Variants in SENP7 observed in about 807,000 individuals in gnomAD.
SENP7 encodes sentrin-specific protease 7.
SENP7 carries 64 observed loss-of-function variants against 141.2 expected under a neutral mutation model. The observed-to-expected ratio is 0.45, with a 90% CI of 0.37 to 0.56. The LOEUF (loss-of-function observed/expected upper bound fraction) is 0.56, where lower values mean the gene tolerates loss of function less well. Among genes scored for constraint, SENP7 ranks in the 20% least tolerant of loss-of-function variants. The pLI, the probability that SENP7 is intolerant of heterozygous loss-of-function variation, is 0.00. For synonymous variants in SENP7, 382 were observed against 426.4 expected (o/e 0.90, Z 1.28); for missense variants, 1,025 against 1,212.2 (o/e 0.85, Z 2.29).
intron 4 of SENP7, among the ~76,000 whole-genome samples, chr3:101,426,274 C>CA (rs1488589790): frequency 6.6e-6 from 1 of 151,916 alleles, no homozygotes; most frequent in Non-Finnish European, 1.5e-5. Flanking sequence ...TCTCCAAGGT[C>CA]AAAATCAAAG....
Position 101,324,596 on chromosome 3 carries a change from C to T in SENP7, c.*1347G>A, listed in dbSNP as rs2058855117. On this transcript the variant is annotated 3_prime_UTR_variant, in exon 24 of 24. Coordinates refer to ENST00000394095, the MANE Select transcript of SENP7 (RefSeq NM_020654.5). The stretch of plus-strand genomic sequence containing the variant: ...ATATTTAATAATATAAAGATAGTGC[C>T]AAAATCAACAAAAGCTAAGAATACT... 1.3e-5 allele frequency: 2 copies of T among 151,932 alleles called. No homozygotes were observed. The highest frequency in any genetic ancestry group is 1.9e-4 in the East Asian group (1 of 5,174). 9.4% of individuals were successfully genotyped at this position (151,932 alleles called of 1,614,324 possible). A position where few individuals can be genotyped will look rare whatever the true frequency, so the allele number is the denominator to read the frequency against.
chr3:101,491,458 A>C (rs1216467315), intron 3 of SENP7, among the ~76,000 whole-genome samples: 1 of 147,998 alleles, frequency 6.8e-6, no homozygotes, highest in Non-Finnish European at 1.5e-5. Context: ...AGATCTCGCT[A>C]TATTTCCTAG....
At chr3:101,462,812 G>C (rs2063591665) in intron 3 of SENP7, among the ~76,000 whole-genome samples, 1 of 151,874 alleles carries the variant, frequency 6.6e-6, no homozygotes, top group Non-Finnish European at 1.5e-5. Context: ...AGGTTGCAGT[G>C]AGCCGAGATC....
intron 1 of SENP7, among the ~76,000 whole-genome samples, chr3:101,505,315 A>T (rs1349103067): frequency 6.6e-6 from 1 of 152,194 alleles, no homozygotes; most frequent in Admixed American, 6.5e-5. Context: ...CCATATAACA[A>T]AGCTGTACTT....
At chr3:101,395,677 A>T (rs1230866742) in intron 6 of SENP7, among the ~76,000 whole-genome samples, 1 of 152,220 alleles carries the variant, frequency 6.6e-6, no homozygotes, top group Admixed American at 6.5e-5. Context: ...AAGGGAAGAA[A>T]GAACTAAAGC....
At chr3:101,419,178 C>T (rs922264938) in intron 4 of SENP7, among the ~76,000 whole-genome samples, 9 of 152,092 alleles carry the variant, frequency 5.9e-5, no homozygotes, top group Non-Finnish European at 1.5e-5. Flanking sequence ...GTCCAAAAAA[C>T]AGGACAAAAT....
Position 101,380,437 on chromosome 3 carries a change from C to G in SENP7, c.678-8311G>C, listed in dbSNP as rs927053713. On this transcript the variant is annotated intron_variant, in intron 6 of 23. Coordinates refer to ENST00000394095, the MANE Select transcript of SENP7 (RefSeq NM_020654.5). ...TCTAGAACGTAAAGCAAACCACCGCCCCCCCCCCCACACACACACACAAAA... is the reference window on the plus strand; with the variant it reads ...TCTAGAACGTAAAGCAAACCACCGCGCCCCCCCCCACACACACACACAAAA... 1.6e-4 allele frequency among the ~76,000 whole-genome samples: 2 copies of G among 12,798 alleles called. 1 individual carries two copies. The highest frequency in any genetic ancestry group is 2.9e-4 in the Non-Finnish European group (2 of 6,932). 8.4% of individuals were successfully genotyped at this position (12,798 alleles called of 152,430 possible).
intron 4 of SENP7, among the ~76,000 whole-genome samples, chr3:101,456,775 G>A (rs986543035): frequency 5.3e-5 from 8 of 152,050 alleles, no homozygotes; most frequent in African/African-American, 1.9e-4. Context: ...AATAATATAA[G>A]TATTTTTTAA....
intron 3 of SENP7, among the ~76,000 whole-genome samples, chr3:101,493,658 C>A (rs2065047454): frequency 1.3e-5 from 2 of 151,990 alleles, no homozygotes; most frequent in Admixed American, 1.3e-4. Flanking sequence ...ATGAAGTAAT[C>A]AATTATGCAT....
chr3:101,488,278 A>G (rs1265617462), intron 3 of SENP7, among the ~76,000 whole-genome samples: 1 of 152,166 alleles, frequency 6.6e-6, no homozygotes, highest in Non-Finnish European at 1.5e-5. Context: ...TTTGGTGTCT[A>G]GAAATGCTAC....
At chr3:101,344,419 C>A (rs4683842) in intron 13 of SENP7, among the ~76,000 whole-genome samples, 4 of 152,054 alleles carry the variant, frequency 2.6e-5, no homozygotes, top group South Asian at 4.1e-4. Context: ...TTTTCCCCAC[C>A]TTCTCTGCTA....
chr3:101,477,522 T>C (rs1399050442), intron 3 of SENP7, among the ~76,000 whole-genome samples: 3 of 151,774 alleles, frequency 2.0e-5, no homozygotes, highest in East Asian at 1.9e-4. Flanking sequence ...ATAATGCACC[T>C]GAAAAAAATA....
chr3:101,348,946 C>A (rs1359539406), intron 12 of SENP7, among the ~76,000 whole-genome samples: 1 of 152,120 alleles, frequency 6.6e-6, no homozygotes, highest in Non-Finnish European at 1.5e-5. Flanking sequence ...GTATTCCTCC[C>A]AGCATTATTT....
chr3:101,347,404 T>A (rs2059490252), intron 13 of SENP7: 1 of 152,150 alleles, frequency 6.6e-6, no homozygotes, highest in Admixed American at 6.5e-5. Flanking sequence ...ATTATGTGAA[T>A]TAAATAATCT....
At chr3:101,473,564 GGC>G (rs1171812082) in intron 3 of SENP7, among the ~76,000 whole-genome samples, 1 of 151,968 alleles carries the variant, frequency 6.6e-6, no homozygotes, top group Non-Finnish European at 1.5e-5. Flanking sequence ...TGCCCCCCTT[GGC>G]CCACTTTATA....
intron 4 of SENP7, among the ~76,000 whole-genome samples, chr3:101,430,165 C>A (rs1035239508): frequency 6.6e-6 from 1 of 152,146 alleles, no homozygotes; most frequent in African/African-American, 2.4e-5. Context: ...TGTTGTGTCT[C>A]TGCCAGGTTT....
intron 11 of SENP7, among the ~76,000 whole-genome samples, chr3:101,354,533 T>G (rs896285849): frequency 6.6e-6 from 1 of 152,112 alleles, no homozygotes; most frequent in African/African-American, 2.4e-5. Context: ...CTATGTTAGT[T>G]TGCTAAGGAT....
At chr3:101,359,595 T>C (rs942878494) in intron 11 of SENP7, among the ~76,000 whole-genome samples, 1 of 151,706 alleles carries the variant, frequency 6.6e-6, no homozygotes. Flanking sequence ...TAGTAAAATA[T>C]TGGGACAATT....
chr3:101,480,777 T>C (rs1293963960), intron 3 of SENP7, among the ~76,000 whole-genome samples: 2 of 151,400 alleles, frequency 1.3e-5, no homozygotes, highest in East Asian at 3.9e-4. Context: ...ACTCAAAAAC[T>C]CAACAAAAAC....
Sources: gnomAD v4.1 joint callset for allele counts (sites outside exome capture counted in the v4.1 genomes callset) on GRCh38, gnomAD v4.1.1 for gene constraint, MANE v1.5 for transcripts, NCBI Gene and HGNC (gene_info 2026-07-23, HGNC 2026-07-21) for gene names.